Variants in LRP5 observed in about 807,000 individuals in gnomAD.
LRP5 encodes low-density lipoprotein receptor-related protein 5.
LRP5 carries 62 observed loss-of-function variants against 154.1 expected under a neutral mutation model. That is an observed-to-expected ratio of 0.40 (90% CI 0.33 to 0.50). The LOEUF is 0.50. LRP5 is among the 20% of genes least tolerant of loss of function. LRP5 has a pLI of 0.55. For synonymous variants in LRP5, 966 were observed against 1,011.5 expected (o/e 0.96, Z 0.85); for missense variants, 1,915 against 2,336.7 (o/e 0.82, Z 3.72).
chr11:68,377,344 G>A (rs2153147259), intron 5 of LRP5, among the ~76,000 whole-genome samples: 1 of 152,336 alleles, frequency 6.6e-6, no homozygotes, highest in South Asian at 2.1e-4. Context: ...CAGAGCCCCT[G>A]ACTGCAGGCC....
At chr11:68,381,277 G>T (rs530006330) in intron 5 of LRP5, among the ~76,000 whole-genome samples, 59 of 152,122 alleles carry the variant, frequency 3.9e-4, no homozygotes, top group Admixed American at 1.1e-3. Flanking sequence ...TAGGGTGTGT[G>T]GGGGGGTGCA....
chr11:68,357,976 C>T, intron 3 of LRP5, 129 bp downstream of exon 3: 1 of 885,982 alleles, frequency 1.1e-6, no homozygotes, highest in Non-Finnish European at 1.8e-6. Context: ...TGCAGGACTT[C>T]TCAGAACTTG....
In LRP5 at chr11:68,365,357, G is replaced by A. The variant is rs1348153555; in HGVS notation, c.884-214G>A. Among the ~76,000 whole-genome samples the A allele has an allele frequency of 9.1e-5, 12 of 131,440 alleles. No individual in the cohort carries two copies. The East Asian group carries it at 1.4e-3, about 15-fold the overall frequency. The allele number at this position is 131,440 out of a possible 152,430, so 86.2% of individuals were successfully genotyped here. A position where few individuals can be genotyped will look rare whatever the true frequency, so the allele number is the denominator to read the frequency against. Reference sequence around the variant, plus strand: ...GCTGGTTTTGGGGAAATTGCAGGCCGTCTGGCCAGGCTGAGGGCCCCATGT... The same window carrying A: ...GCTGGTTTTGGGGAAATTGCAGGCCATCTGGCCAGGCTGAGGGCCCCATGT... On this transcript the variant is annotated intron_variant, in intron 4 of 22. Transcript: ENST00000294304.
chr11:68,328,706 G>T (rs1421673239), intron 1 of LRP5, among the ~76,000 whole-genome samples: 2 of 152,260 alleles, frequency 1.3e-5, no homozygotes, highest in African/African-American at 2.4e-5. Flanking sequence ...CCGTGCGTTT[G>T]CTGTGTGGCC....
At chr11:68,317,189 C>T (rs1183339555) in intron 1 of LRP5, among the ~76,000 whole-genome samples, 2 of 152,346 alleles carry the variant, frequency 1.3e-5, no homozygotes, top group African/African-American at 2.4e-5. Flanking sequence ...TCTGCATTCT[C>T]TTCAGCTCTG....
chr11:68,326,770 C>T (rs1190678924), intron 1 of LRP5, among the ~76,000 whole-genome samples: 2 of 152,270 alleles, frequency 1.3e-5, no homozygotes, highest in African/African-American at 2.4e-5. Context: ...GTTACAAGAG[C>T]GTTAGGCCTG....
intron 2 of LRP5, among the ~76,000 whole-genome samples, chr11:68,348,724 A>T (rs1348024243): frequency 6.6e-6 from 1 of 152,236 alleles, no homozygotes; most frequent in East Asian, 1.9e-4. Context: ...CGGGCAGATC[A>T]CCTGAGTCCA....
chr11:68,425,031 T>G (rs1591311568), intron 14 of LRP5, 71 bp from the exon 15 acceptor site: 9 of 1,401,426 alleles, frequency 6.4e-6, no homozygotes, highest in Middle Eastern at 1.8e-4. Context: ...CCCAGCTGGG[T>G]GCCCTGGGCT....
chr11:68,406,394 G>T, intron 8 of LRP5, 130 bp from the exon 9 acceptor site: 3 of 986,626 alleles, frequency 3.0e-6, no homozygotes, highest in Non-Finnish European at 3.2e-6. Context: ...GACCTGACCC[G>T]GGGGTGAGTC....
chr11:68,308,423 C>G (rs2098585295), upstream of LRP5, among the ~76,000 whole-genome samples: 1 of 152,198 alleles, frequency 6.6e-6, no homozygotes, highest in Non-Finnish European at 1.5e-5. Context: ...CCTGTTACTT[C>G]ATTGGGATGG....
At chr11:68,382,941 G>A (rs574668320) in intron 5 of LRP5, among the ~76,000 whole-genome samples, 562 of 151,940 alleles carry the variant, frequency 3.7e-3, no homozygotes, top group Non-Finnish European at 6.1e-3. Flanking sequence ...GCAGTGGCGC[G>A]ATCTCAGCTC....
At chr11:68,354,346 T>G (rs967978779) in intron 2 of LRP5, among the ~76,000 whole-genome samples, 1 of 152,164 alleles carries the variant, frequency 6.6e-6, no homozygotes, top group Non-Finnish European at 1.5e-5. Context: ...CAGGCCTCTG[T>G]TATGAAACTC....
chr11:68,405,186 G>A (rs1427384350), intron 8 of LRP5, among the ~76,000 whole-genome samples: 1 of 151,606 alleles, frequency 6.6e-6, no homozygotes, highest in Non-Finnish European at 1.5e-5. Context: ...GAACATTTAT[G>A]CCAGGTGTGG....
intron 7 of LRP5, among the ~76,000 whole-genome samples, chr11:68,402,442 T>C (rs568990290): frequency 1.3e-5 from 2 of 152,354 alleles, no homozygotes; most frequent in East Asian, 3.9e-4. Context: ...GGAAAGCATC[T>C]GAGACCTGCA....
intron 1 of LRP5, among the ~76,000 whole-genome samples, chr11:68,341,892 C>T (rs911422177): frequency 2.0e-5 from 3 of 152,126 alleles, no homozygotes; most frequent in African/African-American, 7.2e-5. Context: ...TTTATTACCA[C>T]CCACGTGAAT....
intron 1 of LRP5, among the ~76,000 whole-genome samples, chr11:68,322,833 C>A (rs1198622048): frequency 1.4e-5 from 2 of 143,764 alleles, no homozygotes; most frequent in Non-Finnish European, 3.2e-5. Flanking sequence ...AGTGTGAGGA[C>A]CCCCATGGTC....
In LRP5 at chr11:68,351,566, A is replaced by ATGGT. The variant is rs1397213069; in HGVS notation, c.488+3323_488+3324insTGGT. ...CGGCTGCCATGGCCATCGTGTCGCC[A>ATGGT]GGACCTGCGCTCCTCCTGTCATTGC... is the stretch of plus-strand genomic sequence containing the variant. On this transcript the variant is annotated intron_variant, in intron 2 of 22. Transcript: ENST00000294304. Among the ~76,000 whole-genome samples the ATGGT allele has an allele frequency of 8.9e-4, 135 of 152,242 alleles. 1 individual carries two copies. The highest frequency in any genetic ancestry group is 3.2e-3 in the African/African-American group (131 of 41,550).
intron 12 of LRP5, among the ~76,000 whole-genome samples, chr11:68,414,950 A>G (rs970004187): frequency 6.6e-6 from 1 of 152,200 alleles, no homozygotes; most frequent in Non-Finnish European, 1.5e-5. Flanking sequence ...TTAGAGAGCC[A>G]AATGGAGGTG....
At chr11:68,325,935 G>T (rs1358932639) in intron 1 of LRP5, among the ~76,000 whole-genome samples, 1 of 152,192 alleles carries the variant, frequency 6.6e-6, no homozygotes, top group African/African-American at 2.4e-5. Context: ...CCATCGCATC[G>T]CAATTGTTAC....
Sources: allele counts gnomAD v4.1 joint callset (sites outside exome capture counted in the v4.1 genomes callset), GRCh38; gene constraint gnomAD v4.1.1; transcripts MANE v1.5; gene names NCBI Gene and HGNC (gene_info 2026-07-23, HGNC 2026-07-21).